RPL35: variants seen among roughly 807,000 people sequenced by gnomAD.
RPL35 encodes ribosomal protein L35.
A neutral mutation model predicts 15.6 loss-of-function variants in RPL35; 2 were observed. The ratio of observed to expected loss-of-function variants is 0.13; its 90% confidence interval spans 0.05 to 0.40. The LOEUF (loss-of-function observed/expected upper bound fraction) is 0.40, where lower values mean the gene tolerates loss of function less well. Among genes scored for constraint, RPL35 ranks in the 10% least tolerant of loss-of-function variants. The pLI, the probability that RPL35 is intolerant of heterozygous loss-of-function variation, is 0.99. For synonymous variants in RPL35, 93 were observed against 67.9 expected (o/e 1.37, Z -1.82); for missense variants, 111 against 164.7 (o/e 0.67, Z 1.79).
In RPL35 at chr9:124,861,947, G is replaced by C. The variant is rs557637019; in HGVS notation, c.-35C>G. 12 of 1,595,508 alleles carry C rather than the reference G, an allele frequency of 7.5e-6. No individual in the cohort carries two copies. In the Admixed American group the frequency reaches 1.7e-4, roughly 23 times the overall value. On this transcript the variant is annotated 5_prime_UTR_variant, in exon 1 of 4. Transcript: ENST00000348462. ...AGCCGCCAACGCCGCCGCCCGCTCC[G>C]AGGGAAAGAGGAAGTAGGCGGGGCT...
rs528271992 is a variant in RPL35, at chr9:124,860,089, G to A, written c.222+94C>T. 1.9e-4 allele frequency: 172 copies of A among 899,194 alleles called. 1 individual carries two copies. The African/African-American group carries it at 2.5e-3, about 13-fold the overall frequency. The allele number at this position is 899,194 out of a possible 1,614,324, so 55.7% of individuals were successfully genotyped here. A position where few individuals can be genotyped will look rare whatever the true frequency, so the allele number is the denominator to read the frequency against. ...GGAAGGCTAACCACTCTCAGCCCACGCACCAAGAAAAACCTCTTTACCATG... is the reference window on the plus strand; with the variant it reads ...GGAAGGCTAACCACTCTCAGCCCACACACCAAGAAAAACCTCTTTACCATG... On this transcript the variant is annotated intron_variant, in intron 3 of 3. Transcript: ENST00000348462.
chr9:124,858,022 C>T lies in RPL35; in HGVS notation c.268G>A (p.Ala90Thr). 6.2e-7 allele frequency: 1 copy of T among 1,612,462 alleles called. No homozygotes were observed. The highest frequency in any genetic ancestry group is 8.5e-7 in the Non-Finnish European group (1 of 1,180,020). The change falls in exon 4 of 4, where the codon GCC becomes ACC. Residue 90 changes from alanine (A) to threonine (T), a missense_variant. Transcript: ENST00000348462. ...TGCTTGTTGAGCCGGCGGCGCATGGCACGTGTCTTCTTAGGCCGCAGGTCC... is the reference window on the plus strand; with the variant it reads ...TGCTTGTTGAGCCGGCGGCGCATGGTACGTGTCTTCTTAGGCCGCAGGTCC... ...PLDLRPKKTR[A>T]MRRRLNKHEE...
At chr9:124,858,572 C>T (rs1478805816) in intron 3 of RPL35, 1 of 706,710 alleles carries the variant, frequency 1.4e-6, no homozygotes. Flanking sequence ...GCCTGGCTGG[C>T]CAAGGCCACT....
chr9:124,860,337 G>T, intron 2 of RPL35, 73 bp from the exon 3 acceptor site: 1 of 1,231,676 alleles, frequency 8.1e-7, no homozygotes, highest in Non-Finnish European at 1.2e-6. Flanking sequence ...TCACACATAG[G>T]GCAGCAATAG....
Position 124,861,564 on chromosome 9 carries a change from A to G in RPL35, c.4-9T>C, listed in dbSNP as rs1564308959. The G allele has an allele frequency of 1.9e-6, 3 of 1,613,382 alleles. No individual in the cohort carries two copies. Among genetic ancestry groups the G allele is most frequent in the South Asian group, 1.1e-5 (1 of 90,998 alleles). On this transcript the variant is annotated splice_polypyrimidine_tract_variant and intron_variant, in intron 1 of 3. Transcript: ENST00000348462. ...CGAGCCTTGATCTTGGCCTGCGCGC[A>G]AGAGAGAGTGTGCCTCAGCCAGGCC...
intron 3 of RPL35, chr9:124,858,269 T>C (rs1026073198): frequency 1.4e-5 from 9 of 621,310 alleles, no homozygotes; most frequent in South Asian, 3.9e-5. Flanking sequence ...CATGTAAGTC[T>C]GCTGACCTAC....
At chr9:124,861,663 C>T (rs1223549058) in intron 1 of RPL35, 108 bp from the exon 2 acceptor site, 1 of 1,496,606 alleles carries the variant, frequency 6.7e-7, no homozygotes, top group African/African-American at 1.4e-5. Flanking sequence ...ACGAGTGCGC[C>T]GGAGCCCCAA....
At chr9:124,858,321 G>A (rs1339682615) in intron 3 of RPL35, 12 of 620,432 alleles carry the variant, frequency 1.9e-5, no homozygotes, top group African/African-American at 1.1e-4. Context: ...TGGAAGAGCC[G>A]GGGCTTGCAT....
chr9:124,861,089 A>G (rs996700660), intron 2 of RPL35: 7 of 286,688 alleles, frequency 2.4e-5, no homozygotes. Flanking sequence ...AGCCATGTAA[A>G]ATAACTTACG....
chr9:124,861,137 G>T (rs1015255164), intron 2 of RPL35: 19 of 407,442 alleles, frequency 4.7e-5, no homozygotes, highest in Non-Finnish European at 7.1e-5. Context: ...CCTGCCAAGG[G>T]GGTTAAAAAC....
At chr9:124,861,150 A>C in intron 2 of RPL35, 1 of 437,594 alleles carries the variant, frequency 2.3e-6, no homozygotes, top group Non-Finnish European at 4.1e-6. Flanking sequence ...TTAAAAACTC[A>C]AGTGTTGGTG....
Position 124,860,123 on chromosome 9 carries a change from C to A in RPL35, c.222+60G>T, listed in dbSNP as rs138717517. 185 of 1,263,792 alleles carry A rather than the reference C, an allele frequency of 1.5e-4. 1 individual carries two copies. In the African/African-American group the frequency reaches 2.4e-3, roughly 16 times the overall value. The allele number at this position is 1,263,792 out of a possible 1,614,324, so 78.3% of individuals were successfully genotyped here. ...AAAACCTCTTTACCATGTCCCCGGC[C>A]AGGGACGGCTAGCACTTGGCTTCCT... On this transcript the variant is annotated intron_variant, in intron 3 of 3. Coordinates refer to ENST00000348462, the MANE Select transcript of RPL35 (RefSeq NM_007209.4).
At chr9:124,858,736 C>T (rs2131323972) in intron 3 of RPL35, among the ~76,000 whole-genome samples, 1 of 152,354 alleles carries the variant, frequency 6.6e-6, no homozygotes, top group Middle Eastern at 3.4e-3. Context: ...CTGTGTTCTG[C>T]AAAGGTCCCC....
chr9:124,861,267 C>T (rs1829192566), intron 2 of RPL35, 152 bp downstream of exon 2: 1 of 957,526 alleles, frequency 1.0e-6, no homozygotes, highest in Non-Finnish European at 1.6e-6. Context: ...AGGTAAGAGG[C>T]TAAGCACACA....
chr9:124,859,198 G>A (rs1431343694), intron 3 of RPL35, among the ~76,000 whole-genome samples: 1 of 152,156 alleles, frequency 6.6e-6, no homozygotes, highest in Non-Finnish European at 1.5e-5. Context: ...TTTGAGATGA[G>A]GCCTCACTAT....
rs746436573 is a variant in RPL35 at position 124,861,890 on chromosome 9, C to T, written c.3+20G>A. Reference sequence around the variant, plus strand: ...CGCGCCTCACAGCGCTCGGATGGCGCCCGATTCCGCAGCTCTCACCATTGC... The same window carrying T: ...CGCGCCTCACAGCGCTCGGATGGCGTCCGATTCCGCAGCTCTCACCATTGC... On this transcript the variant is annotated intron_variant, in intron 1 of 3. Coordinates refer to ENST00000348462, the MANE Select transcript of RPL35 (RefSeq NM_007209.4). 4 of 1,603,276 alleles carry T rather than the reference C, an allele frequency of 2.5e-6. No individual in the cohort carries two copies. Among genetic ancestry groups the T allele is most frequent in the East Asian group, 2.3e-5 (1 of 44,294 alleles).
At chr9:124,858,415 G>T in intron 3 of RPL35, 1 of 703,710 alleles carries the variant, frequency 1.4e-6, no homozygotes, top group South Asian at 1.5e-5. Context: ...ACCTAGTACA[G>T]GGCACGCAGC....
At chr9:124,861,737 G>C in intron 1 of RPL35, 173 bp downstream of exon 1, 2 of 1,306,034 alleles carry the variant, frequency 1.5e-6, no homozygotes, top group Non-Finnish European at 2.1e-6. Flanking sequence ...GGCCCGGGCC[G>C]CGCGCCTCTC....
intron 2 of RPL35, among the ~76,000 whole-genome samples, chr9:124,860,812 C>T (rs1829184737): frequency 6.6e-6 from 1 of 151,938 alleles, no homozygotes; most frequent in Non-Finnish European, 1.5e-5. Flanking sequence ...CCTGCCTCTA[C>T]TAAGGTTGTT....
Sources: gnomAD v4.1 joint callset for allele counts (sites outside exome capture counted in the v4.1 genomes callset) on GRCh38, gnomAD v4.1.1 for gene constraint, MANE v1.5 for transcripts, NCBI Gene and HGNC (gene_info 2026-07-23, HGNC 2026-07-21) for gene names.